The following GABRG3 variants were observed in gnomAD, a reference collection of about 807,000 sequenced individuals.
The protein encoded by GABRG3 is gamma-aminobutyric acid type A receptor subunit gamma3.
In GABRG3, 25 loss-of-function variants were observed where a neutral mutation model predicts 48.8. The observed-to-expected ratio is 0.51, with a 90% CI of 0.37 to 0.72. The LOEUF is 0.72. Ranked by LOEUF, GABRG3 falls within the 30% of genes least tolerant of loss-of-function variation. The pLI is 0.00. For synonymous variants in GABRG3, 227 were observed against 217.6 expected (o/e 1.04, Z -0.38); for missense variants, 394 against 577.9 (o/e 0.68, Z 3.26).
At chr15:27,102,125 G>A (rs1156240921) in intron 3 of GABRG3, among the ~76,000 whole-genome samples, 1 of 152,136 alleles carries the variant, frequency 6.6e-6, no homozygotes, top group East Asian at 1.9e-4. Context: ...AAAGTGGATC[G>A]GTACTCCTGA....
chr15:27,139,095 G>A (rs1898059341), intron 3 of GABRG3, among the ~76,000 whole-genome samples: 1 of 152,070 alleles, frequency 6.6e-6, no homozygotes. Context: ...TATGAGAACT[G>A]GTTCACAGGA....
chr15:27,298,659 T>C (rs1319018136), intron 3 of GABRG3, among the ~76,000 whole-genome samples: 1 of 150,296 alleles, frequency 6.7e-6, no homozygotes, highest in Non-Finnish European at 1.5e-5. Flanking sequence ...AATTTTTAAG[T>C]TTAATTTTTT....
chr15:27,095,847 G>A (rs1387027066), intron 3 of GABRG3, among the ~76,000 whole-genome samples: 15 of 152,172 alleles, frequency 9.9e-5, no homozygotes, highest in Non-Finnish European at 5.9e-5. Flanking sequence ...CCCGTTTTCA[G>A]ACACGGATGC....
At chr15:27,488,661 G>A (rs1890275173) in intron 6 of GABRG3, among the ~76,000 whole-genome samples, 1 of 152,212 alleles carries the variant, frequency 6.6e-6, no homozygotes, top group Non-Finnish European at 1.5e-5. Flanking sequence ...GTACTTGAAT[G>A]TTTGGAAGAG....
chr15:27,299,867 A>C (rs1301131681), intron 3 of GABRG3, among the ~76,000 whole-genome samples: 1 of 152,104 alleles, frequency 6.6e-6, no homozygotes, highest in African/African-American at 2.4e-5. Flanking sequence ...CATGCCAGAG[A>C]ATAAAAAAGT....
intron 3 of GABRG3, among the ~76,000 whole-genome samples, chr15:27,156,106 T>C (rs1898416661): frequency 6.6e-6 from 1 of 151,918 alleles, no homozygotes. Flanking sequence ...GAGACCATCC[T>C]GGCTAACACG....
chr15:27,123,731 C>T (rs1261926259), intron 3 of GABRG3, among the ~76,000 whole-genome samples: 4 of 152,158 alleles, frequency 2.6e-5, no homozygotes, highest in African/African-American at 7.2e-5. Context: ...ATTCCAGCCC[C>T]TGCTCTCAAA....
intron 3 of GABRG3, among the ~76,000 whole-genome samples, chr15:27,110,904 G>A (rs1897537910): frequency 6.6e-6 from 1 of 152,030 alleles, no homozygotes; most frequent in South Asian, 2.1e-4. Flanking sequence ...TGTTTGATGA[G>A]CTTTCTGTAT....
intron 7 of GABRG3, among the ~76,000 whole-genome samples, chr15:27,523,969 T>A (rs1891217606): frequency 6.6e-6 from 1 of 151,922 alleles, no homozygotes; most frequent in South Asian, 2.1e-4. Flanking sequence ...AAAAAAAATA[T>A]TCAAAGAAAC....
chr15:27,003,852 G>T (rs1331712290), intron 2 of GABRG3, among the ~76,000 whole-genome samples: 9 of 138,512 alleles, frequency 6.5e-5, no homozygotes, highest in South Asian at 2.5e-4. Context: ...GGGCGGGGGG[G>T]GCTGACCCCC....
chr15:27,216,351 G>A (rs1349578703), intron 3 of GABRG3, among the ~76,000 whole-genome samples: 1 of 152,220 alleles, frequency 6.6e-6, no homozygotes, highest in Admixed American at 6.5e-5. Flanking sequence ...TAGAGACAGT[G>A]AACATGGGAA....
intron 3 of GABRG3, among the ~76,000 whole-genome samples, chr15:27,177,622 C>A (rs142397790): frequency 6.6e-6 from 1 of 152,254 alleles, no homozygotes; most frequent in East Asian, 1.9e-4. Flanking sequence ...GGGCAGTTAT[C>A]TTGTGAGGTT....
Position 27,335,376 on chromosome 15 carries a change from T to C in GABRG3, c.574+6488T>C, listed in dbSNP as rs1376661699. ...CACCAGCAATGCACAAAGATTTTAG[T>C]CTCTTCACATCCTCACCAACACTTG... is the stretch of plus-strand genomic sequence containing the variant. On this transcript the variant is annotated intron_variant, in intron 5 of 9. Coordinates refer to ENST00000615808, the MANE Select transcript of GABRG3 (RefSeq NM_033223.5). 2.0e-5 allele frequency among the ~76,000 whole-genome samples: 3 copies of C among 152,212 alleles called. No individual in the cohort carries two copies. In the South Asian group the frequency reaches 6.2e-4, roughly 32 times the overall value.
In GABRG3 at chr15:27,236,830, GTTTGT is replaced by G. The variant is rs200785251; in HGVS notation, c.271-89975_271-89971del. Among the ~76,000 whole-genome samples, 1,063 of 152,316 alleles carry G rather than the reference GTTTGT, an allele frequency of 7.0e-3. 6 individuals carry two copies. The highest frequency in any genetic ancestry group is 0.021 in the African/African-American group (865 of 41,568). Reference sequence around the variant, plus strand: ...AGGCATGAAGCGCAATTGCACGTGTGTTTGTTTTATCAATATTCGTGATTCCTCCA... The same window carrying G: ...AGGCATGAAGCGCAATTGCACGTGTGTTTATCAATATTCGTGATTCCTCCA... On this transcript the variant is annotated intron_variant, in intron 3 of 9. Transcript: ENST00000615808. The surrounding 1 kb of genome is among the most constrained non-coding windows in gnomAD (Gnocchi z 4.4).
Position 27,132,471 on chromosome 15 carries a change from G to GGTTTTTTTTTTT in GABRG3, c.270+105650_270+105651insGTTTTTTTTTTT, listed in dbSNP as rs778222775. ...TGATTCAATCTTCCCAGTAGTTACA[G>GGTTTTTTTTTTT]TTTTTTTTTTTTTTTTTTTTTTTTT... On this transcript the variant is annotated intron_variant, in intron 3 of 9. Transcript: ENST00000615808. 1.5e-4 allele frequency among the ~76,000 whole-genome samples: 6 copies of GGTTTTTTTTTTT among 39,594 alleles called. 2 individuals are homozygous for GGTTTTTTTTTTT. The highest frequency in any genetic ancestry group is 2.7e-3 in the South Asian group (2 of 750). 26.0% of individuals were successfully genotyped at this position (39,594 alleles called of 152,430 possible). A position where few individuals can be genotyped will look rare whatever the true frequency, so the allele number is the denominator to read the frequency against.
intron 3 of GABRG3, among the ~76,000 whole-genome samples, chr15:27,084,376 T>C (rs1481116810): frequency 2.6e-5 from 4 of 152,222 alleles, no homozygotes; most frequent in Non-Finnish European, 5.9e-5. Context: ...TGTCTCTACC[T>C]GGCAAGGTGC....
At chr15:27,409,602 A>G (rs1435390103) in intron 5 of GABRG3, among the ~76,000 whole-genome samples, 1 of 152,174 alleles carries the variant, frequency 6.6e-6, no homozygotes, top group Non-Finnish European at 1.5e-5. Flanking sequence ...TAACTTTTGG[A>G]ATAGCTTATC....
chr15:27,412,020 C>T (rs111944674), intron 5 of GABRG3, among the ~76,000 whole-genome samples: 3 of 152,062 alleles, frequency 2.0e-5, no homozygotes, highest in African/African-American at 7.2e-5. Flanking sequence ...TGAAGAACTT[C>T]GTATAATATT....
chr15:27,371,281 A>AT (rs112439652), intron 5 of GABRG3, among the ~76,000 whole-genome samples: 22,542 of 151,166 alleles, frequency 0.15, 2,544 homozygotes, highest in African/African-American at 0.32. Flanking sequence ...GACAGTGAAC[A>AT]TTTTTTTTTC....
Sources: gnomAD v4.1 joint callset for allele counts (sites outside exome capture counted in the v4.1 genomes callset) on GRCh38, gnomAD v4.1.1 for gene constraint, Gnocchi (gnomAD v3.1) non-coding constraint, MANE v1.5 for transcripts, NCBI Gene and HGNC (gene_info 2026-07-23, HGNC 2026-07-21) for gene names.